Variants in RASA3 observed in about 807,000 individuals in gnomAD.
RASA3 encodes RAS p21 protein activator 3, also known as ras GTPase-activating protein 3.
Under a neutral mutation model 110.0 loss-of-function variants are expected in RASA3, and 73 were observed. The observed-to-expected ratio is 0.66, with a 90% CI of 0.55 to 0.81. The LOEUF (loss-of-function observed/expected upper bound fraction) is 0.81. Ranked by LOEUF, RASA3 falls within the 30% of genes least tolerant of loss-of-function variation. RASA3 has a pLI of 0.00. For missense variants in RASA3, 976 were observed against 1,113.2 expected (o/e 0.88, Z 1.75); for synonymous variants, 500 against 451.4 (o/e 1.11, Z -1.37).
At chr13:114,012,580 C>T (rs1286399587) in intron 15 of RASA3, among the ~76,000 whole-genome samples, 2 of 148,996 alleles carry the variant, frequency 1.3e-5, no homozygotes, top group Non-Finnish European at 3.0e-5. Flanking sequence ...ACACACTCCC[C>T]ATTCCACACA....
intron 4 of RASA3, among the ~76,000 whole-genome samples, chr13:114,030,556 A>C: frequency 9.7e-6 from 1 of 103,136 alleles, no homozygotes; most frequent in South Asian, 2.5e-4. Flanking sequence ...TCACACAGAC[A>C]GCAAGGCTCA....
intron 20 of RASA3, among the ~76,000 whole-genome samples, chr13:113,998,161 T>C (rs1304376549): frequency 6.6e-6 from 1 of 152,158 alleles, no homozygotes; most frequent in Non-Finnish European, 1.5e-5. Context: ...TTCCAGGACA[T>C]GTCCACACTG....
At chr13:113,990,916 A>C (rs2053095108) in intron 22 of RASA3, among the ~76,000 whole-genome samples, 1 of 152,228 alleles carries the variant, frequency 6.6e-6, no homozygotes, top group Non-Finnish European at 1.5e-5. Flanking sequence ...GTAGGCCTGG[A>C]ACCCACGTAC....
Position 114,011,252 on chromosome 13 carries a change from G to A in RASA3, c.1513-4C>T, listed in dbSNP as rs1188665443. The A allele has an allele frequency of 1.9e-6, 3 of 1,610,724 alleles. No individual in the cohort carries two copies. Among genetic ancestry groups the A allele is most frequent in the Non-Finnish European group, 2.5e-6 (3 of 1,178,342 alleles). ...GCGTCCTGGACGTCTGGGGGTCCTG[G>A]GGAGGCGGGAGCAAGAAAGGTCTAT... is the stretch of plus-strand genomic sequence containing the variant. On this transcript the variant is annotated splice_region_variant and splice_polypyrimidine_tract_variant and intron_variant, in intron 15 of 23. Coordinates refer to ENST00000334062, the MANE Select transcript of RASA3 (RefSeq NM_007368.4). The surrounding 1 kb of genome is among the most constrained non-coding windows in gnomAD (Gnocchi z 4.8).
At chr13:114,092,003 T>C (rs1326220512) in intron 1 of RASA3, among the ~76,000 whole-genome samples, 1 of 152,164 alleles carries the variant, frequency 6.6e-6, no homozygotes, top group African/African-American at 2.4e-5. Flanking sequence ...TTTGTATTTC[T>C]GTGCTATCAG....
intron 2 of RASA3, among the ~76,000 whole-genome samples, chr13:114,073,296 G>A (rs1439849187): frequency 3.8e-5 from 4 of 106,020 alleles, no homozygotes; most frequent in African/African-American, 7.5e-5. Context: ...CATTGTCTAC[G>A]CACAGAAAAA....
At chr13:114,089,748 C>T (rs904179739) in intron 1 of RASA3, among the ~76,000 whole-genome samples, 1 of 152,258 alleles carries the variant, frequency 6.6e-6, no homozygotes, top group Non-Finnish European at 1.5e-5. Flanking sequence ...TAGTGTATTC[C>T]GAGTTGAGCA....
intron 1 of RASA3, among the ~76,000 whole-genome samples, chr13:114,126,445 A>C (rs1440227029): frequency 6.6e-6 from 1 of 152,060 alleles, no homozygotes; most frequent in Non-Finnish European, 1.5e-5. Context: ...TTCAGGGGCA[A>C]GTTCAAAGCT....
At chr13:114,082,370 G>A (rs1295173959) in intron 1 of RASA3, among the ~76,000 whole-genome samples, 1 of 152,264 alleles carries the variant, frequency 6.6e-6, no homozygotes, top group Non-Finnish European at 1.5e-5. Flanking sequence ...CACCTTGGGA[G>A]CAGGGCCTGA....
chr13:114,098,090 A>G (rs918799803), intron 1 of RASA3, among the ~76,000 whole-genome samples: 12 of 152,144 alleles, frequency 7.9e-5, no homozygotes, highest in African/African-American at 2.9e-4. Context: ...GCCAGCACAG[A>G]GAGGCCCAAG....
chr13:114,080,898 T>G (rs5028990), intron 1 of RASA3, among the ~76,000 whole-genome samples: 704 of 60,960 alleles, frequency 0.012, no homozygotes, highest in African/African-American at 0.05. Flanking sequence ...AAAACACCAA[T>G]AGTGCCCCTC....
chr13:113,998,849 A>G lies in RASA3; in HGVS notation c.1932+736T>C, dbSNP rs561589919. ...GAGGGGGCAGCAGAATGCAGCGCAG[A>G]CTGGATCCAGAGGGGAAGGAACCAC... On this transcript the variant is annotated intron_variant, in intron 20 of 23. Coordinates refer to ENST00000334062, the MANE Select transcript of RASA3 (RefSeq NM_007368.4). 2.0e-5 allele frequency among the ~76,000 whole-genome samples: 3 copies of G among 152,350 alleles called. No individual in the cohort carries two copies. In the East Asian group the frequency reaches 5.8e-4, roughly 29 times the overall value.
intron 3 of RASA3, among the ~76,000 whole-genome samples, chr13:114,050,857 C>T (rs1441537731): frequency 6.6e-6 from 1 of 152,234 alleles, no homozygotes; most frequent in Non-Finnish European, 1.5e-5. Context: ...TTTGGCCGTG[C>T]CTCTCACTTC....
intron 21 of RASA3, among the ~76,000 whole-genome samples, chr13:113,995,597 G>A (rs1260017487): frequency 3.3e-5 from 5 of 151,868 alleles, no homozygotes; most frequent in South Asian, 2.1e-4. Flanking sequence ...CCAGAGGCCC[G>A]GCTGATGGGG....
chr13:114,095,340 A>G (rs565152899), intron 1 of RASA3, among the ~76,000 whole-genome samples: 39 of 152,234 alleles, frequency 2.6e-4, no homozygotes, highest in African/African-American at 9.2e-4. Context: ...CATCACCACT[A>G]ACTCCAGAGA....
intron 8 of RASA3, among the ~76,000 whole-genome samples, chr13:114,024,028 G>C (rs776468574): frequency 3.9e-5 from 6 of 152,236 alleles, no homozygotes; most frequent in Non-Finnish European, 7.3e-5. Context: ...CACTCCAGGT[G>C]GATGAAGCCT....
intron 3 of RASA3, among the ~76,000 whole-genome samples, chr13:114,047,231 T>C (rs1277542063): frequency 6.6e-6 from 1 of 152,000 alleles, no homozygotes; most frequent in Non-Finnish European, 1.5e-5. Flanking sequence ...AACAACCCAA[T>C]TAAAAGGGCA....
chr13:114,046,725 G>A (rs2079057955), intron 3 of RASA3, among the ~76,000 whole-genome samples: 1 of 152,118 alleles, frequency 6.6e-6, no homozygotes, highest in Non-Finnish European at 1.5e-5. Context: ...TGCCTTCAGA[G>A]TCCAGTCCCG....
At chr13:114,078,790 C>G (rs1382577870) in intron 1 of RASA3, among the ~76,000 whole-genome samples, 2 of 152,244 alleles carry the variant, frequency 1.3e-5, no homozygotes, top group Admixed American at 1.3e-4. Context: ...TGAGCACAGG[C>G]CCAGCCCTGA....
Sources: allele counts gnomAD v4.1 joint callset (sites outside exome capture counted in the v4.1 genomes callset), GRCh38; gene constraint gnomAD v4.1.1; non-coding constraint Gnocchi (gnomAD v3.1); transcripts MANE v1.5; gene names NCBI Gene and HGNC (gene_info 2026-07-23, HGNC 2026-07-21).